MEIS2: variants seen among roughly 807,000 people sequenced by gnomAD.
MEIS2 encodes homeobox protein Meis2.
A neutral mutation model predicts 58.6 loss-of-function variants in MEIS2; 9 were observed. The ratio of observed to expected loss-of-function variants is 0.15; its 90% CI spans 0.09 to 0.27. The LOEUF (loss-of-function observed/expected upper bound fraction) is 0.27. Ranked by LOEUF, MEIS2 falls within the 10% of genes least tolerant of loss-of-function variation. The pLI, the probability that MEIS2 is intolerant of heterozygous loss-of-function variation, is 1.00. For synonymous variants in MEIS2, 221 were observed against 228.4 expected, an observed-to-expected ratio of 0.97 and a Z score of 0.29; for missense variants, 427 against 635.0, an observed-to-expected ratio of 0.67 and a Z score of 3.52.
At chr15:37,075,563 C>T (rs894054659) in intron 7 of MEIS2, among the ~76,000 whole-genome samples, 1 of 151,946 alleles carries the variant, frequency 6.6e-6, no homozygotes, top group Non-Finnish European at 1.5e-5. Context: ...TCAACTTATA[C>T]ATCTTAAAAA....
intron 8 of MEIS2, among the ~76,000 whole-genome samples, chr15:37,006,199 T>C (rs1426603082): frequency 6.6e-6 from 1 of 152,212 alleles, no homozygotes; most frequent in Admixed American, 6.5e-5. Flanking sequence ...TGCTGACTTT[T>C]GATAGTGATT....
chr15:37,056,437 C>A (rs1292480129), intron 7 of MEIS2, among the ~76,000 whole-genome samples: 1 of 152,112 alleles, frequency 6.6e-6, no homozygotes, highest in Non-Finnish European at 1.5e-5. Flanking sequence ...GGCTAACATT[C>A]AACTAATTTT....
At chr15:36,960,779 T>A (rs569490370) in intron 8 of MEIS2, among the ~76,000 whole-genome samples, 1 of 152,270 alleles carries the variant, frequency 6.6e-6, no homozygotes, top group East Asian at 1.9e-4. Context: ...TCAGAATTTA[T>A]CTGACTTTTA....
intron 9 of MEIS2, chr15:36,901,214 G>A (rs1217180512): frequency 6.6e-6 from 1 of 152,170 alleles, no homozygotes; most frequent in Non-Finnish European, 1.5e-5. Context: ...GGACCCATCA[G>A]CCACAGTGCT....
intron 8 of MEIS2, chr15:37,036,559 G>T: frequency 3.1e-6 from 1 of 318,274 alleles, no homozygotes; most frequent in Non-Finnish European, 5.7e-6. Flanking sequence ...ACTTATATAT[G>T]CTGTTTAGGG....
chr15:37,003,715 G>A (rs1595905125), intron 8 of MEIS2, among the ~76,000 whole-genome samples: 1 of 152,052 alleles, frequency 6.6e-6, no homozygotes, highest in Non-Finnish European at 1.5e-5. Context: ...TTCATATTTG[G>A]GGGTTGAAAT....
chr15:37,055,082 CAG>C (rs1437623791), intron 7 of MEIS2, among the ~76,000 whole-genome samples: 1 of 152,174 alleles, frequency 6.6e-6, no homozygotes, highest in Admixed American at 6.5e-5. Flanking sequence ...TTATAGGTAA[CAG>C]TGCAGAAACA....
chr15:37,031,820 T>C (rs2061940078), intron 8 of MEIS2, among the ~76,000 whole-genome samples: 2 of 138,218 alleles, frequency 1.4e-5, no homozygotes, highest in South Asian at 4.6e-4. Flanking sequence ...TCACTTTGTG[T>C]GTGTGTGTGT....
chr15:36,919,469 T>G (rs1414396845), intron 9 of MEIS2, among the ~76,000 whole-genome samples: 6 of 151,488 alleles, frequency 4.0e-5, no homozygotes, highest in African/African-American at 9.7e-5. Context: ...TCCCAGCTAC[T>G]CAGGAGGCTG....
intron 11 of MEIS2, chr15:36,894,743 C>T: frequency 6.2e-7 from 1 of 1,613,650 alleles, no homozygotes; most frequent in Non-Finnish European, 8.5e-7. Flanking sequence ...GATTGCTTTA[C>T]ATGATGAAGG....
At chr15:36,914,563 T>C (rs1042051699) in intron 9 of MEIS2, among the ~76,000 whole-genome samples, 1 of 152,064 alleles carries the variant, frequency 6.6e-6, no homozygotes, top group Non-Finnish European at 1.5e-5. Context: ...TGAAGGTTAG[T>C]AGAGGATGGG....
intron 9 of MEIS2, among the ~76,000 whole-genome samples, chr15:36,945,461 C>A (rs2058528781): frequency 6.6e-6 from 1 of 152,046 alleles, no homozygotes; most frequent in South Asian, 2.1e-4. Context: ...CATTCCATTT[C>A]ACACCTTAGA....
chr15:36,956,905 AAAAG>A (rs936178684), intron 8 of MEIS2, among the ~76,000 whole-genome samples: 4 of 151,422 alleles, frequency 2.6e-5, no homozygotes, highest in African/African-American at 9.7e-5. Context: ...AAAAAAAAAA[AAAAG>A]GAGAAGCATG....
chr15:36,947,781 A>G (rs1055861508), intron 9 of MEIS2, among the ~76,000 whole-genome samples: 6 of 151,898 alleles, frequency 4.0e-5, no homozygotes, highest in Non-Finnish European at 7.4e-5. Flanking sequence ...CAGGGCCTGG[A>G]GAAATAGTTT....
intron 8 of MEIS2, among the ~76,000 whole-genome samples, chr15:37,005,241 G>A (rs768900673): frequency 5.3e-5 from 8 of 152,170 alleles, no homozygotes; most frequent in Non-Finnish European, 5.9e-5. Flanking sequence ...CTGTAAGTTC[G>A]TAATGAAATA....
chr15:37,065,489 G>C (rs1889809975), intron 7 of MEIS2, among the ~76,000 whole-genome samples: 1 of 152,154 alleles, frequency 6.6e-6, no homozygotes, highest in Non-Finnish European at 1.5e-5. Context: ...TGAACAACAC[G>C]TGTGACTGAC....
chr15:37,028,263 AC>A (rs1219595369), intron 8 of MEIS2, among the ~76,000 whole-genome samples: 4 of 152,104 alleles, frequency 2.6e-5, no homozygotes, highest in African/African-American at 9.7e-5. Flanking sequence ...GCATTTCATT[AC>A]CCCCATGAAA....
intron 8 of MEIS2, among the ~76,000 whole-genome samples, chr15:37,008,913 TC>T (rs2061020220): frequency 6.6e-6 from 1 of 152,082 alleles, no homozygotes; most frequent in Non-Finnish European, 1.5e-5. Context: ...TAAACATATC[TC>T]CCCCCTCTTA....
intron 6 of MEIS2, among the ~76,000 whole-genome samples, chr15:37,091,217 G>A (rs1893471919): frequency 6.6e-6 from 1 of 152,154 alleles, no homozygotes; most frequent in South Asian, 2.1e-4. Flanking sequence ...TTGCTTTGAA[G>A]GGGGAAGCCT....
Sources: gnomAD v4.1 joint callset for allele counts (sites outside exome capture counted in the v4.1 genomes callset) on GRCh38, gnomAD v4.1.1 for gene constraint, MANE v1.5 for transcripts, NCBI Gene and HGNC (gene_info 2026-07-23, HGNC 2026-07-21) for gene names.